CSGALNACT1: variants seen among roughly 807,000 people sequenced by gnomAD.
CSGALNACT1 encodes the protein beta4GalNAcT-1.
In CSGALNACT1, 52 loss-of-function variants were observed where a neutral mutation model predicts 51.0. The ratio of observed to expected loss-of-function variants is 1.02; its 90% CI spans 0.82 to 1.29. The LOEUF is 1.29. CSGALNACT1 is among the 50% of genes most tolerant of loss of function. The pLI is 0.00. For synonymous variants in CSGALNACT1, 341 were observed against 254.4 expected, an observed-to-expected ratio of 1.34 and a Z score of -3.24; for missense variants, 935 against 679.2, an observed-to-expected ratio of 1.38 and a Z score of -4.19.
chr8:19,529,121 C>A (rs1563915265), intron 3 of CSGALNACT1, among the ~76,000 whole-genome samples: 1 of 152,138 alleles, frequency 6.6e-6, no homozygotes, highest in Admixed American at 6.5e-5. Context: ...AAGCTGAGAA[C>A]TGCAACAAAG....
At chr8:19,459,709 C>T (rs1001635460) in intron 4 of CSGALNACT1, among the ~76,000 whole-genome samples, 16 of 152,248 alleles carry the variant, frequency 1.1e-4, no homozygotes, top group Non-Finnish European at 2.1e-4. Context: ...TGCTCCTGTG[C>T]CTCATTTTCC....
intron 1 of CSGALNACT1, among the ~76,000 whole-genome samples, chr8:19,663,541 C>T (rs2080266745): frequency 6.6e-6 from 1 of 152,130 alleles, no homozygotes; most frequent in African/African-American, 2.4e-5. Flanking sequence ...TTCATGCTTC[C>T]ACAGGGAAGA....
At chr8:19,463,408 G>C (rs1454587064) in intron 4 of CSGALNACT1, among the ~76,000 whole-genome samples, 1 of 152,146 alleles carries the variant, frequency 6.6e-6, no homozygotes, top group African/African-American at 2.4e-5. Context: ...CTTTCAGTTG[G>C]TCTTCTTTAA....
In CSGALNACT1 at chr8:19,723,171, G is replaced by A. The variant is rs552918907; in HGVS notation, c.-297+34679C>T. Among the ~76,000 whole-genome samples the A allele has an allele frequency of 3.0e-4, 46 of 152,232 alleles. No homozygotes were observed. In the South Asian group the frequency reaches 8.7e-3, roughly 29 times the overall value. On this transcript the variant is annotated intron_variant, in intron 1 of 1. Coordinates refer to the CSGALNACT1 transcript ENST00000517494. ...TTGGGCTCTGGCCCAAAGACCCAAC[G>A]GATTGATACTAAAATTTAAGATCAG...
intron 4 of CSGALNACT1, among the ~76,000 whole-genome samples, chr8:19,487,976 G>A (rs562338109): frequency 6.6e-6 from 1 of 152,144 alleles, no homozygotes; most frequent in South Asian, 2.1e-4. Flanking sequence ...CCTCCCAAGA[G>A]ACACCCTCTC....
intron 1 of CSGALNACT1, among the ~76,000 whole-genome samples, chr8:19,632,649 C>G (rs1484133014): frequency 1.3e-5 from 2 of 152,226 alleles, no homozygotes; most frequent in Non-Finnish European, 2.9e-5. Flanking sequence ...TAAGAAACTT[C>G]AAGTAAAACA....
intron 6 of CSGALNACT1, among the ~76,000 whole-genome samples, chr8:19,421,000 C>G (rs1442053944): frequency 6.6e-6 from 1 of 152,236 alleles, no homozygotes; most frequent in African/African-American, 2.4e-5. Context: ...TTCCTCCAAA[C>G]AGATTTAAAC....
intron 4 of CSGALNACT1, among the ~76,000 whole-genome samples, chr8:19,499,920 T>TGGGC (rs1447436505): frequency 1.3e-5 from 2 of 152,208 alleles, no homozygotes; most frequent in Non-Finnish European, 2.9e-5. Context: ...AATCCAAGAC[T>TGGGC]GGGCCACTCT....
rs186890488 is a variant in CSGALNACT1, at chr8:19,429,972, T to A, written c.954-9454A>T. ...TTTGCATTTTTCTAGTGACTAATGA[T>A]GTTGACCATCTTGTCCTGCTGTGCT... On this transcript the variant is annotated intron_variant, in intron 6 of 9. Coordinates refer to ENST00000454498, the Ensembl canonical transcript of CSGALNACT1. Among the ~76,000 whole-genome samples the A allele has an allele frequency of 3.3e-5, 5 of 152,376 alleles. 1 individual carries two copies. Among genetic ancestry groups the A allele is most frequent in the Admixed American group, 3.3e-4 (5 of 15,308 alleles).
intron 6 of CSGALNACT1, among the ~76,000 whole-genome samples, chr8:19,433,884 T>A (rs1004849676): frequency 6.6e-6 from 1 of 152,196 alleles, no homozygotes; most frequent in Non-Finnish European, 1.5e-5. Flanking sequence ...AGCCAAAAGA[T>A]TGGACACACC....
chr8:19,477,546 C>A (rs1000383640), intron 4 of CSGALNACT1, among the ~76,000 whole-genome samples: 2 of 152,116 alleles, frequency 1.3e-5, no homozygotes, highest in African/African-American at 4.8e-5. Flanking sequence ...TAAAAATGCG[C>A]CTTGGTTATG....
At chr8:19,524,012 G>A (rs1228725411) in intron 3 of CSGALNACT1, among the ~76,000 whole-genome samples, 2 of 152,256 alleles carry the variant, frequency 1.3e-5, no homozygotes, top group East Asian at 3.9e-4. Flanking sequence ...TATGCAGCAG[G>A]GCCAGGCACA....
At chr8:19,525,173 C>A (rs548928176) in intron 3 of CSGALNACT1, among the ~76,000 whole-genome samples, 1 of 152,196 alleles carries the variant, frequency 6.6e-6, no homozygotes, top group East Asian at 1.9e-4. Flanking sequence ...CCAGGGCAAT[C>A]CCTGTTGCCA....
intron 3 of CSGALNACT1, among the ~76,000 whole-genome samples, chr8:19,560,637 A>G (rs1201902808): frequency 6.6e-6 from 1 of 152,246 alleles, no homozygotes; most frequent in Non-Finnish European, 1.5e-5. Flanking sequence ...CCTTACGAGC[A>G]AACAGAGAAA....
chr8:19,452,256 G>A (rs1440932611), intron 5 of CSGALNACT1, among the ~76,000 whole-genome samples: 1 of 152,160 alleles, frequency 6.6e-6, no homozygotes, highest in Non-Finnish European at 1.5e-5. Context: ...AGGCAGCCTG[G>A]GGGACCTAGG....
At chr8:19,710,416 G>A (rs1484212144) in intron 1 of CSGALNACT1, among the ~76,000 whole-genome samples, 2 of 152,154 alleles carry the variant, frequency 1.3e-5, no homozygotes, top group African/African-American at 4.8e-5. Context: ...GAAATAGATC[G>A]CCTTAACAAC....
chr8:19,715,403 G>T (rs2062748425), intron 1 of CSGALNACT1, among the ~76,000 whole-genome samples: 1 of 152,168 alleles, frequency 6.6e-6, no homozygotes, highest in Admixed American at 6.5e-5. Context: ...TCCTGTGTTG[G>T]TTTACTTAGG....
chr8:19,600,222 C>T (rs1016798716), intron 2 of CSGALNACT1, among the ~76,000 whole-genome samples: 2 of 152,128 alleles, frequency 1.3e-5, no homozygotes, highest in African/African-American at 4.8e-5. Context: ...AGCTGGGTTA[C>T]AGGTATGCAC....
intron 4 of CSGALNACT1, among the ~76,000 whole-genome samples, chr8:19,467,111 T>A (rs1455147452): frequency 6.2e-4 from 1 of 1,616 alleles, no homozygotes; most frequent in Non-Finnish European, 2.8e-3. Context: ...AGCAGCTGAC[T>A]TTTTTTTTTT....
Sources: allele counts gnomAD v4.1 joint callset (sites outside exome capture counted in the v4.1 genomes callset), GRCh38; gene constraint gnomAD v4.1.1; transcripts MANE v1.5; gene names NCBI Gene and HGNC (gene_info 2026-07-23, HGNC 2026-07-21).